The following CYP7B1 variants were observed in gnomAD, a reference collection of about 807,000 sequenced individuals.
The protein encoded by CYP7B1 is cytochrome P450 family 7 subfamily B member 1.
Under a neutral mutation model 42.7 loss-of-function variants are expected in CYP7B1, and 29 were observed. The observed-to-expected ratio is 0.68, with a 90% CI of 0.51 to 0.93. The LOEUF (loss-of-function observed/expected upper bound fraction) is 0.93, where lower values mean the gene tolerates loss of function less well. Among genes scored for constraint, CYP7B1 ranks in the 40% least tolerant of loss-of-function variants. The pLI, the probability that CYP7B1 is intolerant of heterozygous loss-of-function variation, is 0.00. For synonymous variants in CYP7B1, 235 were observed against 218.2 expected (o/e 1.08, Z -0.68); for missense variants, 655 against 600.5 (o/e 1.09, Z -0.95).
intron 1 of CYP7B1, among the ~76,000 whole-genome samples, chr8:64,786,423 T>C (rs573138614): frequency 9.0e-4 from 137 of 152,332 alleles, no homozygotes; most frequent in African/African-American, 3.3e-3. Flanking sequence ...AAAGGAGCTA[T>C]GGGCCCCATG....
chr8:64,643,162 C>CATATATACATATATATGTATATAT (rs781343197), intron 1 of CYP7B1, among the ~76,000 whole-genome samples: 2 of 29,338 alleles, frequency 6.8e-5, no homozygotes, highest in East Asian at 1.1e-3. Flanking sequence ...TACATATATA[C>CATATATACATATATATGTATATAT]ACATATATAC....
At chr8:64,788,702 T>A (rs1383003133) in intron 1 of CYP7B1, among the ~76,000 whole-genome samples, 5 of 152,224 alleles carry the variant, frequency 3.3e-5, no homozygotes, top group Non-Finnish European at 7.3e-5. Flanking sequence ...ATATATCACA[T>A]TTATTTCAAT....
intron 1 of CYP7B1, among the ~76,000 whole-genome samples, chr8:64,708,754 C>T (rs1382347026): frequency 6.6e-6 from 1 of 152,054 alleles, no homozygotes; most frequent in Non-Finnish European, 1.5e-5. Flanking sequence ...TGATTATATC[C>T]AATGTTCAAC....
intron 1 of CYP7B1, among the ~76,000 whole-genome samples, chr8:64,726,858 C>T (rs1164116414): frequency 2.0e-5 from 3 of 152,036 alleles, no homozygotes; most frequent in Admixed American, 1.3e-4. Flanking sequence ...GCTTTCAGTC[C>T]CCCACCCCCA....
chr8:64,666,368 T>C (rs959765650), intron 1 of CYP7B1, among the ~76,000 whole-genome samples: 5 of 152,104 alleles, frequency 3.3e-5, no homozygotes, highest in Admixed American at 1.3e-4. Flanking sequence ...TGAGGAAAAA[T>C]AAATGAAATA....
chr8:64,621,448 G>A (rs1805528193), intron 2 of CYP7B1, among the ~76,000 whole-genome samples: 1 of 152,168 alleles, frequency 6.6e-6, no homozygotes, highest in African/African-American at 2.4e-5. Flanking sequence ...CTCAAAAGTT[G>A]AGTCCATGTC....
chr8:64,686,046 G>T (rs1806632021), intron 1 of CYP7B1, among the ~76,000 whole-genome samples: 1 of 127,424 alleles, frequency 7.8e-6, no homozygotes, highest in Non-Finnish European at 1.7e-5. Flanking sequence ...GTCCGGGAGG[G>T]AGATGGGGGG....
intron 1 of CYP7B1, among the ~76,000 whole-genome samples, chr8:64,634,596 A>AAAAAAAAAAAAAAAAAC (rs1805743530): frequency 6.6e-6 from 1 of 151,954 alleles, no homozygotes; most frequent in Non-Finnish European, 1.5e-5. Context: ...AAAAAAAAAA[A>AAAAAAAAAAAAAAAAAC]AAAGAAAGAA....
intron 1 of CYP7B1, among the ~76,000 whole-genome samples, chr8:64,759,780 G>T (rs1404883856): frequency 6.6e-6 from 1 of 152,142 alleles, no homozygotes; most frequent in East Asian, 1.9e-4. Context: ...ATTGCTGCTT[G>T]AAAGTCCAGA....
In CYP7B1 at chr8:64,695,032, G is replaced by A. The variant is rs541282199; in HGVS notation, c.123-70493C>T. 6.4e-4 allele frequency among the ~76,000 whole-genome samples: 97 copies of A among 152,116 alleles called. 1 individual carries two copies. Among genetic ancestry groups the A allele is most frequent in the African/African-American group, 2.0e-3 (84 of 41,528 alleles). On this transcript the variant is annotated intron_variant, in intron 1 of 5. Transcript: ENST00000310193. The stretch of plus-strand genomic sequence containing the variant: ...ATAAGACATTTAAGCAAAACTCAAG[G>A]GTCCTGTTGAAAATCTGAAATTCAA...
chr8:64,657,800 A>C (rs1427920497), intron 1 of CYP7B1, among the ~76,000 whole-genome samples: 2 of 152,236 alleles, frequency 1.3e-5, no homozygotes, highest in African/African-American at 2.4e-5. Flanking sequence ...TGCTTTGCAC[A>C]GTAGTAGAGG....
intron 4 of CYP7B1, among the ~76,000 whole-genome samples, chr8:64,611,099 C>T (rs140030238): frequency 7.0e-4 from 107 of 152,264 alleles, no homozygotes; most frequent in African/African-American, 2.4e-3. Flanking sequence ...ATCTTGTCCA[C>T]ATGCACATCA....
intron 1 of CYP7B1, among the ~76,000 whole-genome samples, chr8:64,657,273 A>G (rs754158693): frequency 5.3e-5 from 8 of 152,182 alleles, no homozygotes; most frequent in Non-Finnish European, 1.0e-4. Context: ...TTTTCTAGAA[A>G]GAGGGCTCTA....
intron 1 of CYP7B1, among the ~76,000 whole-genome samples, chr8:64,679,627 C>T (rs1806506356): frequency 6.6e-6 from 1 of 152,092 alleles, no homozygotes; most frequent in Non-Finnish European, 1.5e-5. Flanking sequence ...AACCTTTCCC[C>T]TTGAATTTGT....
chr8:64,660,823 G>A (rs774724905), intron 1 of CYP7B1, among the ~76,000 whole-genome samples: 8 of 152,194 alleles, frequency 5.3e-5, no homozygotes, highest in Non-Finnish European at 1.0e-4. Flanking sequence ...CCTCTGAGAG[G>A]CATCATAGTA....
chr8:64,638,231 C>G (rs1805802766), intron 1 of CYP7B1, among the ~76,000 whole-genome samples: 1 of 151,994 alleles, frequency 6.6e-6, no homozygotes, highest in East Asian at 1.9e-4. Flanking sequence ...ACTTTCCTCA[C>G]TAGCTCCAGA....
At chr8:64,735,934 G>A (rs1349941738) in intron 1 of CYP7B1, among the ~76,000 whole-genome samples, 1 of 152,134 alleles carries the variant, frequency 6.6e-6, no homozygotes, top group Non-Finnish European at 1.5e-5. Context: ...ATGCTTAAAA[G>A]AAGAAATTTT....
chr8:64,611,394 A>G (rs147054077), intron 4 of CYP7B1, among the ~76,000 whole-genome samples: 1 of 152,278 alleles, frequency 6.6e-6, no homozygotes, highest in African/African-American at 2.4e-5. Context: ...CAATGTCTAT[A>G]AGATTGCTTT....
downstream of CYP7B1, among the ~76,000 whole-genome samples, chr8:64,589,464 C>G (rs996447440): frequency 2.6e-5 from 4 of 152,200 alleles, no homozygotes; most frequent in East Asian, 3.9e-4. Context: ...TCAATGATTA[C>G]AAATACTTTT....
Sources: gnomAD v4.1 joint callset for allele counts (sites outside exome capture counted in the v4.1 genomes callset) on GRCh38, gnomAD v4.1.1 for gene constraint, MANE v1.5 for transcripts, NCBI Gene and HGNC (gene_info 2026-07-23, HGNC 2026-07-21) for gene names.